Variants in SVOP observed in about 807,000 individuals in gnomAD.
SVOP encodes the protein SV2 related protein.
Under a neutral mutation model 69.1 loss-of-function variants are expected in SVOP, and 17 were observed. That is an observed-to-expected ratio of 0.25 (90% CI 0.17 to 0.37). The LOEUF is 0.37. Among genes scored for constraint, SVOP ranks in the 10% least tolerant of loss-of-function variants. The pLI, the probability that SVOP is intolerant of heterozygous loss-of-function variation, is 1.00. For synonymous variants in SVOP, 238 were observed against 238.6 expected, an observed-to-expected ratio of 1.00 and a Z score of 0.02; for missense variants, 435 against 597.5, an observed-to-expected ratio of 0.73 and a Z score of 2.84.
chr12:108,938,752 C>T, intron 9 of SVOP, 75 bp downstream of exon 9: 1 of 1,602,512 alleles, frequency 6.2e-7, no homozygotes, highest in Non-Finnish European at 8.5e-7. Context: ...CATGCATGCC[C>T]TACTCCATAT....
intron 2 of SVOP, among the ~76,000 whole-genome samples, chr12:108,980,146 C>A (rs1283778469): frequency 2.0e-5 from 3 of 152,084 alleles, no homozygotes; most frequent in Non-Finnish European, 4.4e-5. Flanking sequence ...CCACTGCACT[C>A]CAGCCTGGGT....
At chr12:108,949,864 T>C (rs1392234348) in intron 6 of SVOP, among the ~76,000 whole-genome samples, 2 of 152,162 alleles carry the variant, frequency 1.3e-5, no homozygotes, top group African/African-American at 2.4e-5. Context: ...CCAGCCTTTG[T>C]GGCAGGCCAG....
rs1285478936 is a variant in SVOP at position 109,017,365 on chromosome 12, A to T, written c.35+3469T>A. Among the ~76,000 whole-genome samples the T allele has an allele frequency of 6.1e-5, 9 of 147,852 alleles. No individual in the cohort carries two copies. In the East Asian group the frequency reaches 1.6e-3, roughly 26 times the overall value. ...CCCAACCCCATCCCCCTACCTAACC[A>T]CCCCCATCCATGGAAAAATTGTCTT... On this transcript the variant is annotated intron_variant, in intron 1 of 15. Coordinates refer to ENST00000610966, the MANE Select transcript of SVOP (RefSeq NM_018711.5).
At chr12:108,931,014 C>T (rs956864162) in intron 11 of SVOP, among the ~76,000 whole-genome samples, 2 of 152,184 alleles carry the variant, frequency 1.3e-5, no homozygotes, top group African/African-American at 4.8e-5. Flanking sequence ...CCCTGTTTTA[C>T]GACATTCCCC....
chr12:108,922,882 G>A (rs934133945), intron 11 of SVOP, 85 bp from the exon 12 acceptor site: 3 of 933,866 alleles, frequency 3.2e-6, no homozygotes, highest in Middle Eastern at 2.2e-4. Flanking sequence ...TCCTTCCCTG[G>A]GGTGATTCAG....
At chr12:108,951,020 G>A (rs2039951072) in intron 6 of SVOP, among the ~76,000 whole-genome samples, 1 of 152,204 alleles carries the variant, frequency 6.6e-6, no homozygotes, top group Admixed American at 6.5e-5. Flanking sequence ...CACATTTACA[G>A]CACTGGGCAA....
At position 108,951,437 on chromosome 12, in the gene SVOP, C is replaced by T. The variant is rs553186633; in HGVS notation, c.579-6271G>A. The stretch of plus-strand genomic sequence containing the variant: ...TTTGTTATTTGTTGGTGCTTATTTG[C>T]ATTTCCTAAATTTGGTAAAACAAAA... On this transcript the variant is annotated intron_variant, in intron 6 of 15. Transcript: ENST00000610966. Among the ~76,000 whole-genome samples, 5 of 152,292 alleles carry T rather than the reference C, an allele frequency of 3.3e-5. No individual in the cohort carries two copies. The South Asian group carries it at 1.0e-3, about 32-fold the overall frequency.
At chr12:108,984,608 C>T (rs1204523600) in intron 1 of SVOP, among the ~76,000 whole-genome samples, 6 of 152,204 alleles carry the variant, frequency 3.9e-5, no homozygotes, top group Admixed American at 2.0e-4. Context: ...GCCCTGTAGA[C>T]ATTTGAGTTT....
chr12:108,945,774 A>G (rs2039918906), intron 6 of SVOP, among the ~76,000 whole-genome samples: 1 of 152,154 alleles, frequency 6.6e-6, no homozygotes, highest in Non-Finnish European at 1.5e-5. Flanking sequence ...AGTCCAGGGA[A>G]AAATGTTTTC....
chr12:109,017,112 C>T (rs993260212), intron 1 of SVOP, among the ~76,000 whole-genome samples: 1 of 152,120 alleles, frequency 6.6e-6, no homozygotes, highest in East Asian at 1.9e-4. Context: ...ATCCCTGGGC[C>T]AAGGACCCGT....
chr12:108,934,877 G>A (rs2039847086), intron 10 of SVOP, among the ~76,000 whole-genome samples: 2 of 152,196 alleles, frequency 1.3e-5, no homozygotes, highest in African/African-American at 4.8e-5. Context: ...CCATAAAAAT[G>A]GGCAACCAGG....
chr12:108,939,073 G>A (rs2039873627), intron 8 of SVOP, 118 bp from the exon 9 acceptor site: 1 of 1,429,106 alleles, frequency 7.0e-7, no homozygotes, highest in Non-Finnish European at 9.5e-7. Flanking sequence ...TGGAGCCAGA[G>A]AGCTGACTTC....
At chr12:108,963,032 G>A (rs2040025737) in intron 5 of SVOP, among the ~76,000 whole-genome samples, 1 of 151,960 alleles carries the variant, frequency 6.6e-6, no homozygotes, top group African/African-American at 2.4e-5. Flanking sequence ...ATTACCCTTA[G>A]AGATTGGAAA....
chr12:108,982,295 A>C (rs894622681), intron 2 of SVOP, among the ~76,000 whole-genome samples: 9 of 150,728 alleles, frequency 6.0e-5, no homozygotes, highest in Admixed American at 5.3e-4. Flanking sequence ...CACCATCATC[A>C]CCACCACCAC....
chr12:108,925,922 CTTTT>C (rs796267674), intron 11 of SVOP, among the ~76,000 whole-genome samples: 1 of 143,550 alleles, frequency 7.0e-6, no homozygotes, highest in Non-Finnish European at 1.5e-5. Context: ...CATTCCTGAC[CTTTT>C]TTTTTTTTTT....
chr12:108,972,455 A>G lies in SVOP; in HGVS notation c.403T>C (p.Ser135Pro). The change falls in exon 5 of 16, where the codon TCC becomes CCC. Residue 135 changes from serine (S) to proline (P), a missense_variant. Ser to Pro is a moderately conservative substitution (Grantham distance 74, BLOSUM62 -1). Coordinates refer to ENST00000610966, the MANE Select transcript of SVOP (RefSeq NM_018711.5). The stretch of plus-strand genomic sequence containing the variant: ...ATATTTCCCCAGAGCGTGGAGCTGG[A>G]CATCATGCCTACAAAGACCACCTGT... Reference protein sequence around the residue: ...LTSVVFVGMMSSSTLWGNISD... With the variant: ...LTSVVFVGMMPSSTLWGNISD... The G allele has an allele frequency of 6.5e-7, 1 of 1,537,250 alleles. No individual in the cohort carries two copies. Among genetic ancestry groups the G allele is most frequent in the Non-Finnish European group, 8.7e-7 (1 of 1,146,904 alleles).
intron 1 of SVOP, among the ~76,000 whole-genome samples, chr12:109,018,296 C>G (rs1044091318): frequency 6.6e-6 from 1 of 152,172 alleles, no homozygotes; most frequent in Admixed American, 6.5e-5. Context: ...GAGTGGACAG[C>G]ATGTGAAAAA....
chr12:108,949,858 C>A (rs760146036), intron 6 of SVOP, among the ~76,000 whole-genome samples: 17 of 152,136 alleles, frequency 1.1e-4, no homozygotes, highest in Non-Finnish European at 2.1e-4. Context: ...GGCTGGCCAG[C>A]CTTTGTGGCA....
At chr12:108,940,441 T>C (rs933915054) in intron 8 of SVOP, among the ~76,000 whole-genome samples, 1 of 152,242 alleles carries the variant, frequency 6.6e-6, no homozygotes, top group Non-Finnish European at 1.5e-5. Flanking sequence ...CCCTCTCTTT[T>C]ACTCAAGCCA....
Sources: allele counts gnomAD v4.1 joint callset (sites outside exome capture counted in the v4.1 genomes callset), GRCh38; gene constraint gnomAD v4.1.1; transcripts MANE v1.5; gene names NCBI Gene and HGNC (gene_info 2026-07-23, HGNC 2026-07-21).